The following ITCH variants were observed in gnomAD, a reference collection of about 807,000 sequenced individuals.
ITCH encodes E3 ubiquitin-protein ligase Itchy homolog.
ITCH carries 28 observed loss-of-function variants against 126.8 expected under a neutral mutation model. That is an observed-to-expected ratio of 0.22 (90% CI 0.16 to 0.30). ITCH has a LOEUF of 0.30. Ranked by LOEUF, ITCH falls within the 10% of genes least tolerant of loss-of-function variation. The probability of loss-of-function intolerance (pLI) is 1.00; values close to 1 mark genes in which losing one functional copy is unlikely to be tolerated. For synonymous variants in ITCH, 342 were observed against 340.0 expected (o/e 1.01, Z -0.06); for missense variants, 631 against 1,032.4 (o/e 0.61, Z 5.33).
chr20:34,399,605 C>T (rs1472786417), intron 3 of ITCH, among the ~76,000 whole-genome samples: 2 of 152,112 alleles, frequency 1.3e-5, no homozygotes, highest in Non-Finnish European at 2.9e-5. Flanking sequence ...CTTTGGGAGG[C>T]TGAGGCGGGC....
intron 14 of ITCH, among the ~76,000 whole-genome samples, chr20:34,463,833 C>G (rs1986769774): frequency 6.6e-6 from 1 of 151,000 alleles, no homozygotes; most frequent in African/African-American, 2.4e-5. Flanking sequence ...TAGGTGTTCT[C>G]TATATATTCT....
chr20:34,445,925 T>C (rs567906446), intron 11 of ITCH, among the ~76,000 whole-genome samples: 5 of 152,340 alleles, frequency 3.3e-5, no homozygotes, highest in African/African-American at 1.2e-4. Flanking sequence ...ACTGAAGAAA[T>C]TTGATCCTTT....
intron 2 of ITCH, among the ~76,000 whole-genome samples, chr20:34,383,588 A>T (rs1223805512): frequency 3.3e-5 from 5 of 150,538 alleles, no homozygotes; most frequent in Non-Finnish European, 4.4e-5. Flanking sequence ...CTGGTCTCGA[A>T]CTCCTGACCT....
At chr20:34,490,008 G>C in intron 22 of ITCH, 82 bp downstream of exon 22, 1 of 947,060 alleles carries the variant, frequency 1.1e-6, no homozygotes, top group Non-Finnish European at 1.7e-6. Flanking sequence ...ATGAGTCACA[G>C]GTCAAAATGT....
chr20:34,391,882 G>A (rs2038502028), intron 2 of ITCH, among the ~76,000 whole-genome samples: 1 of 151,808 alleles, frequency 6.6e-6, no homozygotes, highest in Admixed American at 6.6e-5. Flanking sequence ...AAAATTTTTT[G>A]CAACTTTGTA....
intron 12 of ITCH, among the ~76,000 whole-genome samples, chr20:34,449,885 G>T (rs879588528): frequency 1.3e-5 from 2 of 152,108 alleles, no homozygotes; most frequent in Non-Finnish European, 2.9e-5. Context: ...GACAAAACTA[G>T]AGATGGAGAA....
intron 23 of ITCH, among the ~76,000 whole-genome samples, chr20:34,495,205 C>T (rs1423446170): frequency 6.7e-6 from 1 of 150,154 alleles, no homozygotes; most frequent in Non-Finnish European, 1.5e-5. Flanking sequence ...GCAGAGGTTG[C>T]AGTGAGTCGA....
chr20:34,383,281 C>T (rs891779807), intron 2 of ITCH, among the ~76,000 whole-genome samples: 5 of 151,544 alleles, frequency 3.3e-5, no homozygotes, highest in African/African-American at 7.3e-5. Context: ...TGGTCTCAAG[C>T]GACCCTCCTA....
At chr20:34,495,634 C>G (rs1371393854) in intron 23 of ITCH, among the ~76,000 whole-genome samples, 1 of 151,990 alleles carries the variant, frequency 6.6e-6, no homozygotes, top group African/African-American at 2.4e-5. Context: ...TAAAAAATGT[C>G]TGAAGTATTC....
chr20:34,370,122 A>G (rs76129162), intron 2 of ITCH, among the ~76,000 whole-genome samples: 3 of 151,192 alleles, frequency 2.0e-5, no homozygotes. Context: ...AAAAAAAAAA[A>G]GACAACATGG....
chr20:34,377,527 G>C (rs936418019), intron 2 of ITCH, among the ~76,000 whole-genome samples: 17 of 152,038 alleles, frequency 1.1e-4, no homozygotes, highest in Admixed American at 1.1e-3. Flanking sequence ...ATGACAAATG[G>C]CTTGCTCTTA....
At chr20:34,505,200 C>A (rs918704055) in intron 24 of ITCH, among the ~76,000 whole-genome samples, 2 of 152,018 alleles carry the variant, frequency 1.3e-5, no homozygotes, top group Non-Finnish European at 2.9e-5. Context: ...CCCGTGACCA[C>A]GCCCAGCTAA....
rs575783107 is a variant in ITCH at position 34,495,026 on chromosome 20, C to T, written c.2416+2429C>T. 4.2e-3 allele frequency among the ~76,000 whole-genome samples: 626 copies of T among 148,656 alleles called. 5 individuals are homozygous for T. The highest frequency in any genetic ancestry group is 0.015 in the African/African-American group (614 of 40,238). On this transcript the variant is annotated intron_variant, in intron 23 of 24. Transcript: ENST00000374864. ...CAGCACGTTGGGAGGCCGAGGCAGGCGGATCACCTGAGGTCAGGAGTTCGA... is the reference window on the plus strand; with the variant it reads ...CAGCACGTTGGGAGGCCGAGGCAGGTGGATCACCTGAGGTCAGGAGTTCGA...
At chr20:34,473,238 A>G (rs1378742907) in intron 16 of ITCH, among the ~76,000 whole-genome samples, 2 of 152,256 alleles carry the variant, frequency 1.3e-5, no homozygotes, top group East Asian at 1.9e-4. Context: ...ACACAGCACA[A>G]CTGGTTATGG....
intron 3 of ITCH, among the ~76,000 whole-genome samples, chr20:34,396,639 G>A (rs1302498226): frequency 2.0e-5 from 3 of 151,918 alleles, no homozygotes; most frequent in Non-Finnish European, 4.4e-5. Context: ...CTTCTGAGTA[G>A]CTGGGACTAC....
intron 20 of ITCH, among the ~76,000 whole-genome samples, chr20:34,481,886 C>T (rs1600462262): frequency 6.6e-6 from 1 of 152,148 alleles, no homozygotes; most frequent in East Asian, 1.9e-4. Flanking sequence ...TGGCATGTGC[C>T]TGTAATCCCA....
At chr20:34,432,053 A>AAAG (rs1982378167) in intron 7 of ITCH, among the ~76,000 whole-genome samples, 1 of 151,274 alleles carries the variant, frequency 6.6e-6, no homozygotes, top group Non-Finnish European at 1.5e-5. Context: ...TATGTCAAAA[A>AAAG]AAAAAAAAAA....
rs534625123 is a variant in ITCH at position 34,435,116 on chromosome 20, A to G, written c.522-3358A>G. On this transcript the variant is annotated intron_variant, in intron 7 of 24. Transcript: ENST00000374864. Reference sequence around the variant, plus strand: ...AGGTTGTCAAAGTCATCCGTCATTTATAATTCCCTAGCTCCCAGGAGTCTT... The same window carrying G: ...AGGTTGTCAAAGTCATCCGTCATTTGTAATTCCCTAGCTCCCAGGAGTCTT... Among the ~76,000 whole-genome samples the G allele has an allele frequency of 3.3e-5, 5 of 151,792 alleles. No individual in the cohort carries two copies. The East Asian group carries it at 9.7e-4, about 29-fold the overall frequency.
chr20:34,496,135 A>G (rs1358475279), intron 23 of ITCH, among the ~76,000 whole-genome samples: 1 of 151,992 alleles, frequency 6.6e-6, no homozygotes, highest in African/African-American at 2.4e-5. Context: ...CTCTTTTTCC[A>G]CATCCTTGCC....
Sources: gnomAD v4.1 joint callset for allele counts (sites outside exome capture counted in the v4.1 genomes callset) on GRCh38, gnomAD v4.1.1 for gene constraint, MANE v1.5 for transcripts, NCBI Gene and HGNC (gene_info 2026-07-23, HGNC 2026-07-21) for gene names.